The following SLIT1 variants were observed in gnomAD, a reference collection of about 807,000 sequenced individuals.
SLIT1 encodes the protein slit homolog 1 protein.
A neutral mutation model predicts 186.1 loss-of-function variants in SLIT1; 66 were observed. The ratio of observed to expected loss-of-function variants is 0.35; its 90% CI spans 0.29 to 0.44. The LOEUF is 0.44. Ranked by LOEUF, SLIT1 falls within the 20% of genes least tolerant of loss-of-function variation. The probability of loss-of-function intolerance (pLI) is 1.00; values close to 1 mark genes in which losing one functional copy is unlikely to be tolerated. For missense variants in SLIT1, 1,638 were observed against 2,037.4 expected (o/e 0.80, Z 3.77); for synonymous variants, 761 against 833.8 (o/e 0.91, Z 1.50).
rs936069796 is a variant in SLIT1 at position 97,000,435 on chromosome 10, A to C, written c.*677T>G. 1 of 152,342 alleles carries C rather than the reference A, an allele frequency of 6.6e-6. No homozygotes were observed. The highest frequency in any genetic ancestry group is 1.5e-5 in the Non-Finnish European group (1 of 68,148). The allele number at this position is 152,342 out of a possible 1,614,324, so 9.4% of individuals were successfully genotyped here. ...CTCGCAGCTACAGTAGTCATGCTAG[A>C]ACTTTAGGATTCAGAGGCCTGGTCC... On this transcript the variant is annotated 3_prime_UTR_variant, in exon 37 of 37. Coordinates refer to ENST00000266058, the MANE Select transcript of SLIT1 (RefSeq NM_003061.3).
intron 4 of SLIT1, among the ~76,000 whole-genome samples, chr10:97,127,164 G>A (rs1319416141): frequency 6.6e-6 from 1 of 151,186 alleles, no homozygotes; most frequent in African/African-American, 2.4e-5. Flanking sequence ...GCATGGTGGC[G>A]GGCGCCTGTA....
intron 25 of SLIT1, among the ~76,000 whole-genome samples, chr10:97,024,135 A>T (rs1198466142): frequency 6.6e-6 from 1 of 152,218 alleles, no homozygotes; most frequent in African/African-American, 2.4e-5. Context: ...TTTACTAAAT[A>T]ACCAATGGAT....
At chr10:97,031,996 C>T (rs1406698154) in intron 23 of SLIT1, among the ~76,000 whole-genome samples, 1 of 152,232 alleles carries the variant, frequency 6.6e-6, no homozygotes, top group African/African-American at 2.4e-5. Context: ...TCCAATAAAT[C>T]CTCAACAAAG....
intron 4 of SLIT1, among the ~76,000 whole-genome samples, chr10:97,067,509 G>T (rs148050225): frequency 7.5e-4 from 115 of 152,344 alleles, no homozygotes; most frequent in African/African-American, 2.7e-3. Context: ...GAAAAGGGAG[G>T]CTCAGAGAAG....
At chr10:97,063,006 A>C (rs1321815904) in intron 8 of SLIT1, among the ~76,000 whole-genome samples, 1 of 152,210 alleles carries the variant, frequency 6.6e-6, no homozygotes, top group African/African-American at 2.4e-5. Flanking sequence ...TCAAGGCAGC[A>C]GAGGTGAGGC....
chr10:97,118,948 G>T (rs1849533538), intron 4 of SLIT1, among the ~76,000 whole-genome samples: 1 of 152,194 alleles, frequency 6.6e-6, no homozygotes, highest in Non-Finnish European at 1.5e-5. Flanking sequence ...GGCTTGGAGA[G>T]AAACGGAAAT....
At chr10:97,036,048 A>G (rs2134615171) in intron 22 of SLIT1, among the ~76,000 whole-genome samples, 1 of 152,012 alleles carries the variant, frequency 6.6e-6, no homozygotes, top group South Asian at 2.1e-4. Flanking sequence ...TCCCTAAACC[A>G]TGACAGTCTG....
intron 4 of SLIT1, among the ~76,000 whole-genome samples, chr10:97,076,391 G>A (rs1466370580): frequency 6.6e-6 from 1 of 152,200 alleles, no homozygotes; most frequent in Non-Finnish European, 1.5e-5. Flanking sequence ...ACGCTGGGAT[G>A]CACATGCTGC....
chr10:97,013,647 A>C (rs1848429608), intron 30 of SLIT1, 94 bp downstream of exon 30: 6 of 874,840 alleles, frequency 6.9e-6, no homozygotes. Context: ...TGGACAAATG[A>C]GGGAATGAGG....
intron 31 of SLIT1, among the ~76,000 whole-genome samples, chr10:97,008,855 T>A (rs1263552552): frequency 2.0e-5 from 3 of 151,212 alleles, no homozygotes; most frequent in African/African-American, 7.3e-5. Flanking sequence ...AATCTTTTTT[T>A]ATTTTTTATT....
chr10:97,146,567 C>A (rs534366104), intron 4 of SLIT1, among the ~76,000 whole-genome samples: 13 of 151,924 alleles, frequency 8.6e-5, no homozygotes, highest in East Asian at 5.8e-4. Flanking sequence ...CAGCCCCCCC[C>A]ACTGAACACC....
intron 4 of SLIT1, among the ~76,000 whole-genome samples, chr10:97,152,812 T>C (rs143926205): frequency 6.6e-6 from 1 of 152,342 alleles, no homozygotes; most frequent in African/African-American, 2.4e-5. Flanking sequence ...ATTTATCAAG[T>C]GGTCATATTG....
At chr10:97,110,877 T>G (rs1392802182) in intron 4 of SLIT1, among the ~76,000 whole-genome samples, 1 of 152,194 alleles carries the variant, frequency 6.6e-6, no homozygotes, top group Non-Finnish European at 1.5e-5. Flanking sequence ...TTTCTTTTGT[T>G]ATCAAAAAAT....
chr10:97,121,465 G>A (rs1406995776), intron 4 of SLIT1, among the ~76,000 whole-genome samples: 3 of 152,154 alleles, frequency 2.0e-5, no homozygotes, highest in Non-Finnish European at 2.9e-5. Flanking sequence ...TGGAAGTGCC[G>A]TTCATACAGT....
At chr10:97,175,341 G>A (rs558001078) in intron 1 of SLIT1, among the ~76,000 whole-genome samples, 6 of 152,266 alleles carry the variant, frequency 3.9e-5, no homozygotes. Flanking sequence ...TGTAAATAAT[G>A]CCACTTTGAA....
chr10:97,082,055 G>A (rs1849110557), intron 4 of SLIT1, among the ~76,000 whole-genome samples: 2 of 152,386 alleles, frequency 1.3e-5, no homozygotes, highest in South Asian at 2.1e-4. Context: ...ACTCCTAGGA[G>A]AGGCATGTGC....
chr10:97,108,886 CAAAAAAAAAAAAAAAAA>C (rs11355026), intron 4 of SLIT1, among the ~76,000 whole-genome samples: 6 of 46,770 alleles, frequency 1.3e-4, no homozygotes, highest in African/African-American at 2.8e-4. Flanking sequence ...GTCTCAGTCT[CAAAAAAAAAAAAAAAAA>C]AAAAAAAAAA....
intron 4 of SLIT1, among the ~76,000 whole-genome samples, chr10:97,140,692 C>T (rs1205445170): frequency 2.0e-5 from 3 of 152,160 alleles, no homozygotes; most frequent in African/African-American, 7.2e-5. Flanking sequence ...GGAAATGAGT[C>T]ATTGCTCAGC....
intron 4 of SLIT1, among the ~76,000 whole-genome samples, chr10:97,094,480 T>C (rs1039249431): frequency 6.6e-6 from 1 of 152,194 alleles, no homozygotes; most frequent in Non-Finnish European, 1.5e-5. Flanking sequence ...CTAGCCAAAT[T>C]CTATGCTCCT....
Sources: allele counts gnomAD v4.1 joint callset (sites outside exome capture counted in the v4.1 genomes callset), GRCh38; gene constraint gnomAD v4.1.1; transcripts MANE v1.5; gene names NCBI Gene and HGNC (gene_info 2026-07-23, HGNC 2026-07-21).